Variants in CACNG7 observed in about 807,000 individuals in gnomAD.
CACNG7 encodes the protein calcium voltage-gated channel auxiliary subunit gamma 7.
In CACNG7, 9 loss-of-function variants were observed where a neutral mutation model predicts 26.3. The ratio of observed to expected loss-of-function variants is 0.34; its 90% CI spans 0.21 to 0.60. CACNG7 has a LOEUF of 0.60. Ranked by LOEUF, CACNG7 falls within the 20% of genes least tolerant of loss-of-function variation. CACNG7 has a pLI of 0.81. For missense variants in CACNG7, 297 were observed against 380.4 expected (o/e 0.78, Z 1.82); for synonymous variants, 170 against 157.0 (o/e 1.08, Z -0.62).
chr19:53,934,500 C>T (rs1180261435), intron 4 of CACNG7, among the ~76,000 whole-genome samples: 1 of 152,026 alleles, frequency 6.6e-6, no homozygotes, highest in East Asian at 1.9e-4. Flanking sequence ...CAAGGCCAGG[C>T]ACAGTGGCTC....
chr19:53,931,824 C>T (rs1209072157), intron 4 of CACNG7, among the ~76,000 whole-genome samples: 5 of 139,526 alleles, frequency 3.6e-5, no homozygotes, highest in Admixed American at 7.4e-5. Flanking sequence ...TGCAGTGGCA[C>T]GATCTCGGCT....
rs1267638361 is a variant in CACNG7 at position 53,922,226 on chromosome 19, GT to G, written c.424+6722del. On this transcript the variant is annotated intron_variant, in intron 4 of 5. Transcript: ENST00000391767. ...CCCCAGGTCTGGTATTGGTGGAGTT[GT>G]CCCCAGGTCTGGTCATTGGTGGAGT... Among the ~76,000 whole-genome samples the G allele has an allele frequency of 3.1e-4, 28 of 91,256 alleles. No individual in the cohort carries two copies. In the East Asian group the frequency reaches 7.8e-3, roughly 25 times the overall value. The allele number at this position is 91,256 out of a possible 152,430, so 59.9% of individuals were successfully genotyped here.
chr19:53,920,124 A>T (rs1232290947), intron 4 of CACNG7, among the ~76,000 whole-genome samples: 1 of 95,864 alleles, frequency 1.0e-5, no homozygotes, highest in Admixed American at 1.0e-4. Flanking sequence ...AGGCCTGGTC[A>T]TTGGTGGACT....
rs1218963489 is a variant in CACNG7 at position 53,914,487 on chromosome 19, C to T, written c.197-13C>T. The stretch of plus-strand genomic sequence containing the variant: ...GCCTCTCATCCAGCCCTGTCTGTTT[C>T]TCTTCCCCCCAGGTCGGGAGAAAGG... On this transcript the variant is annotated splice_polypyrimidine_tract_variant and intron_variant, in intron 2 of 5. Coordinates refer to ENST00000391767, the MANE Select transcript of CACNG7 (RefSeq NM_031896.5). The T allele has an allele frequency of 6.2e-7, 1 of 1,612,862 alleles. No individual in the cohort carries two copies. Among genetic ancestry groups the T allele is most frequent in the East Asian group, 2.2e-5 (1 of 44,850 alleles).
At chr19:53,918,635 CTTG>C (rs1398700399) in intron 4 of CACNG7, among the ~76,000 whole-genome samples, 13 of 152,112 alleles carry the variant, frequency 8.5e-5, no homozygotes, top group African/African-American at 2.9e-4. Flanking sequence ...GCACTGAACA[CTTG>C]TTGTTTTAAG....
intron 4 of CACNG7, among the ~76,000 whole-genome samples, chr19:53,923,550 C>G: frequency 8.2e-6 from 1 of 121,804 alleles, no homozygotes; most frequent in African/African-American, 3.6e-5. Context: ...GTGGAGTTGT[C>G]CCAGGTCTGG....
rs1273977973 is a variant in CACNG7, at chr19:53,939,719, A to G, written c.425-1751A>G. Among the ~76,000 whole-genome samples, 1 of 152,194 alleles carries G rather than the reference A, an allele frequency of 6.6e-6. No homozygotes were observed. The highest frequency in any genetic ancestry group is 6.5e-5 in the Admixed American group (1 of 15,268). On this transcript the variant is annotated intron_variant, in intron 4 of 5. Transcript: ENST00000391767. The surrounding 1 kb of genome is among the most constrained non-coding windows in gnomAD (Gnocchi z 4.2). ...TGTTTCCGCTTTTTGGCTATTACGC[A>G]TAACGCTGTTACAAACATCCGTGTA...
In CACNG7 at chr19:53,920,992, CCCCAGGCTGGTCATTGGTGGAG is replaced by C. The variant is rs1568773858; in HGVS notation, c.424+5488_424+5509del. Reference sequence around the variant, plus strand: ...CCCAGGCTGGTCATTGGTGGAGTTGCCCCAGGCTGGTCATTGGTGGAGTTGCCCCAGGCTGGTCATTGGTGGA... The same window carrying C: ...CCCAGGCTGGTCATTGGTGGAGTTGCTTGCCCCAGGCTGGTCATTGGTGGA... On this transcript the variant is annotated intron_variant, in intron 4 of 5. Coordinates refer to ENST00000391767, the MANE Select transcript of CACNG7 (RefSeq NM_031896.5). 1.9e-3 allele frequency among the ~76,000 whole-genome samples: 152 copies of C among 78,780 alleles called. 9 individuals carry two copies. Among genetic ancestry groups the C allele is most frequent in the African/African-American group, 0.011 (141 of 12,356 alleles). 51.7% of individuals were successfully genotyped at this position (78,780 alleles called of 152,430 possible).
chr19:53,932,873 C>T (rs1293226332), intron 4 of CACNG7, among the ~76,000 whole-genome samples: 13 of 141,052 alleles, frequency 9.2e-5, no homozygotes, highest in Non-Finnish European at 1.5e-4. Flanking sequence ...CCGCTCTTGT[C>T]GTCCAGGCAC....
chr19:53,934,784 A>T (rs1468658189), intron 4 of CACNG7, among the ~76,000 whole-genome samples: 1 of 152,114 alleles, frequency 6.6e-6, no homozygotes, highest in African/African-American at 2.4e-5. Flanking sequence ...ATAGATAAAT[A>T]AGTAAATGAA....
chr19:53,916,487 CTTTTT>C (rs397706471), intron 4 of CACNG7, among the ~76,000 whole-genome samples: 16 of 95,438 alleles, frequency 1.7e-4, no homozygotes, highest in African/African-American at 6.1e-4. Flanking sequence ...TTCTTTCTTT[CTTTTT>C]TTTTTTTTTT....
intron 4 of CACNG7, among the ~76,000 whole-genome samples, chr19:53,933,727 A>G (rs992085222): frequency 3.6e-5 from 5 of 139,250 alleles, no homozygotes; most frequent in South Asian, 2.2e-4. Flanking sequence ...TGCTGTGTCT[A>G]TTACATCAAG....
intron 4 of CACNG7, among the ~76,000 whole-genome samples, chr19:53,925,558 C>T (rs2069022843): frequency 6.6e-6 from 1 of 150,384 alleles, no homozygotes; most frequent in Admixed American, 6.6e-5. Context: ...TGGACTTGCC[C>T]CAGGTCTGGT....
intron 4 of CACNG7, among the ~76,000 whole-genome samples, chr19:53,919,306 G>T (rs1026683067): frequency 3.3e-5 from 5 of 152,258 alleles, no homozygotes; most frequent in Non-Finnish European, 7.3e-5. Context: ...GAGAGAGAAA[G>T]ACAGGGATTG....
intron 4 of CACNG7, among the ~76,000 whole-genome samples, chr19:53,916,377 A>G (rs145253888): frequency 8.4e-4 from 59 of 70,506 alleles, no homozygotes; most frequent in Admixed American, 2.7e-3. Context: ...AGAGTTGCCC[A>G]TAAGTACCAA....
At position 53,942,666 on chromosome 19, in the gene CACNG7, A is replaced by C. The variant is rs2145922326; in HGVS notation, c.*373A>C. ...AGCGCCCAGCTCCCCAGAGCTCCCC[A>C]ACCTCGGACCTCACCGCAGGGGCGC... On this transcript the variant is annotated 3_prime_UTR_variant, in exon 6 of 6. Transcript: ENST00000391767. This position sits in a 1 kb window ranked among gnomAD's most constrained non-coding sequence, Gnocchi z 5.9. 1.1e-5 allele frequency: 9 copies of C among 846,994 alleles called. No individual in the cohort carries two copies. Among genetic ancestry groups the C allele is most frequent in the African/African-American group, 1.8e-5 (1 of 56,206 alleles). 52.5% of individuals were successfully genotyped at this position (846,994 alleles called of 1,614,324 possible).
chr19:53,942,011 G>T lies in CACNG7; in HGVS notation c.571-25G>T. On this transcript the variant is annotated intron_variant, in intron 5 of 5. Transcript: ENST00000391767. This position sits in a 1 kb window ranked among gnomAD's most constrained non-coding sequence, Gnocchi z 5.9. ...GGGGATGCGCAGGGGGGCGCCCCTG[G>T]GACTCTGACCTTGCCTTGCCGCAGG... 6.4e-7 allele frequency: 1 copy of T among 1,560,836 alleles called. No individual in the cohort carries two copies. Among genetic ancestry groups the T allele is most frequent in the East Asian group, 2.3e-5 (1 of 43,656 alleles).
In CACNG7 at chr19:53,930,221, T is replaced by C. The variant is rs1599993310; in HGVS notation, c.425-11249T>C. 2.6e-5 allele frequency among the ~76,000 whole-genome samples: 4 copies of C among 151,828 alleles called. No individual in the cohort carries two copies. In the East Asian group the frequency reaches 7.7e-4, roughly 29 times the overall value. The stretch of plus-strand genomic sequence containing the variant: ...CCTCCTACCTCACCATTTTTTTTTT[T>C]TTCTTGAGACAGAGTCTCACTCTGT... On this transcript the variant is annotated intron_variant, in intron 4 of 5. Coordinates refer to ENST00000391767, the MANE Select transcript of CACNG7 (RefSeq NM_031896.5).
chr19:53,921,910 T>G (rs75722314), intron 4 of CACNG7, among the ~76,000 whole-genome samples: 6 of 61,336 alleles, frequency 9.8e-5, no homozygotes, highest in Non-Finnish European at 1.5e-4. Context: ...TGTCCCCAGG[T>G]CTGGTATTGG....
Sources: allele counts gnomAD v4.1 joint callset (sites outside exome capture counted in the v4.1 genomes callset), GRCh38; gene constraint gnomAD v4.1.1; non-coding constraint Gnocchi (gnomAD v3.1); transcripts MANE v1.5; gene names NCBI Gene and HGNC (gene_info 2026-07-23, HGNC 2026-07-21).